SEC62: variants seen among roughly 807,000 people sequenced by gnomAD.
The protein encoded by SEC62 is translocation protein SEC62.
A neutral mutation model predicts 47.5 loss-of-function variants in SEC62; 10 were observed. That is an observed-to-expected ratio of 0.21 (90% CI 0.13 to 0.36). SEC62 has a LOEUF of 0.36. Among genes scored for constraint, SEC62 ranks in the 10% least tolerant of loss-of-function variants. SEC62 has a pLI of 1.00. For missense variants in SEC62, 327 were observed against 464.1 expected (o/e 0.70, Z 2.71); for synonymous variants, 136 against 150.5 (o/e 0.90, Z 0.71).
chr3:169,990,961 C>T (rs1446973021), intron 7 of SEC62, among the ~76,000 whole-genome samples: 1 of 152,174 alleles, frequency 6.6e-6, no homozygotes, highest in Non-Finnish European at 1.5e-5. Flanking sequence ...ACCAAAACTC[C>T]TGTCATAATT....
rs1715425174 is a variant in SEC62 at position 169,997,941 on chromosome 3, ATATAT to A, written c.*4881_*4885del. 6.6e-6 allele frequency: 1 copy of A among 152,226 alleles called. No homozygotes were observed. Among genetic ancestry groups the A allele is most frequent in the Non-Finnish European group, 1.5e-5 (1 of 68,040 alleles). 9.4% of individuals were successfully genotyped at this position (152,226 alleles called of 1,614,324 possible). A position where few individuals can be genotyped will look rare whatever the true frequency, so the allele number is the denominator to read the frequency against. ...CTATGATGTTGAAGTAGCATAAAAC[ATATAT>A]TAGATATCTGCAACAACTGTGATGT... On this transcript the variant is annotated 3_prime_UTR_variant, in exon 8 of 8. Transcript: ENST00000337002.
intron 5 of SEC62, 53 bp from the exon 6 acceptor site, chr3:169,985,752 T>C: frequency 1.3e-5 from 18 of 1,412,546 alleles, no homozygotes; most frequent in Middle Eastern, 1.8e-4. Flanking sequence ...TAAGCATTAC[T>C]TTCTAATGTG....
chr3:169,982,999 C>T (rs1715018925), intron 4 of SEC62, 88 bp downstream of exon 4: 5 of 1,504,614 alleles, frequency 3.3e-6, no homozygotes, highest in African/African-American at 1.4e-5. Context: ...AAGTATTATG[C>T]AACACCTACC....
chr3:169,991,662 C>G (rs1715251293), intron 7 of SEC62, among the ~76,000 whole-genome samples: 1 of 152,126 alleles, frequency 6.6e-6, no homozygotes, highest in Non-Finnish European at 1.5e-5. Flanking sequence ...ATGATTGTGC[C>G]ACTGCACTCC....
rs1461871485 is a variant in SEC62, at chr3:169,992,186, C to T, written c.731-408C>T. 4.6e-5 allele frequency among the ~76,000 whole-genome samples: 7 copies of T among 152,118 alleles called. No individual in the cohort carries two copies. The East Asian group carries it at 1.4e-3, about 29-fold the overall frequency. On this transcript the variant is annotated intron_variant, in intron 7 of 7. Transcript: ENST00000337002. The surrounding 1 kb of genome is among the most constrained non-coding windows in gnomAD (Gnocchi z 4.0). ...TATTGAAGCATAATATCACAAAGTA[C>T]ATAAATCAGAAGTGTATATCCATGT...
Position 169,984,627 on chromosome 3 carries a change from A to G in SEC62, c.550-1178A>G, listed in dbSNP as rs79228586. Reference sequence around the variant, plus strand: ...AAGCAGCATGCACTCCATAACTTTTAAAGTTGTGAAATATCTTTTTTAAAA... The same window carrying G: ...AAGCAGCATGCACTCCATAACTTTTGAAGTTGTGAAATATCTTTTTTAAAA... On this transcript the variant is annotated intron_variant, in intron 5 of 7. Transcript: ENST00000337002. Among the ~76,000 whole-genome samples the G allele has an allele frequency of 2.4e-4, 37 of 152,320 alleles. No individual in the cohort carries two copies. The East Asian group carries it at 7.1e-3, about 29-fold the overall frequency.
intron 2 of SEC62, among the ~76,000 whole-genome samples, chr3:169,976,496 A>G (rs1417379855): frequency 6.6e-6 from 1 of 152,212 alleles, no homozygotes; most frequent in Non-Finnish European, 1.5e-5. Flanking sequence ...CTCTTCAGAT[A>G]TAATATGTTT....
At chr3:169,990,022 CAT>C (rs933627957) in intron 7 of SEC62, among the ~76,000 whole-genome samples, 17 of 141,176 alleles carry the variant, frequency 1.2e-4, no homozygotes, top group Middle Eastern at 7.1e-3. Flanking sequence ...TATTATATAT[CAT>C]ATATATCATA....
Position 169,994,544 on chromosome 3 carries a change from C to G in SEC62, c.*1481C>G, listed in dbSNP as rs904769296. The G allele has an allele frequency of 1.3e-5, 2 of 152,474 alleles. No homozygotes were observed. The highest frequency in any genetic ancestry group is 2.9e-5 in the Non-Finnish European group (2 of 68,004). The allele number at this position is 152,474 out of a possible 1,614,324, so 9.4% of individuals were successfully genotyped here. On this transcript the variant is annotated 3_prime_UTR_variant, in exon 8 of 8. Coordinates refer to ENST00000337002, the MANE Select transcript of SEC62 (RefSeq NM_003262.4). ...TCCCTGTAAGTGGACATAAATGTGG[C>G]TATTTGATGTTAATGCAACTATGTC...
At chr3:169,983,014 A>G in intron 4 of SEC62, 103 bp downstream of exon 4, 1 of 1,487,836 alleles carries the variant, frequency 6.7e-7, no homozygotes, top group Non-Finnish European at 9.0e-7. Context: ...CCTACCTGAG[A>G]TAACTATATT....
intron 1 of SEC62, among the ~76,000 whole-genome samples, chr3:169,973,259 T>C (rs1714745180): frequency 6.6e-6 from 1 of 152,246 alleles, no homozygotes; most frequent in South Asian, 2.1e-4. Flanking sequence ...TTTTGCCTTT[T>C]ATTATATCAG....
Position 169,998,102 on chromosome 3 carries a change from A to T in SEC62, c.*5039A>T, listed in dbSNP as rs207464057. ...AGTGAAATTAAAGTTAATTTTTCCC[A>T]TCCAAGTTCATGTATCTTCTGAATT... On this transcript the variant is annotated 3_prime_UTR_variant, in exon 8 of 8. Transcript: ENST00000337002. The T allele has an allele frequency of 1.3e-5, 2 of 152,198 alleles. No homozygotes were observed. Among genetic ancestry groups the T allele is most frequent in the Non-Finnish European group, 2.9e-5 (2 of 68,032 alleles). 9.4% of individuals were successfully genotyped at this position (152,198 alleles called of 1,614,324 possible). A position where few individuals can be genotyped will look rare whatever the true frequency, so the allele number is the denominator to read the frequency against.
At chr3:169,986,421 C>A (rs1477132657) in intron 6 of SEC62, among the ~76,000 whole-genome samples, 1 of 152,090 alleles carries the variant, frequency 6.6e-6, no homozygotes, top group Non-Finnish European at 1.5e-5. Flanking sequence ...TAGCAAATAT[C>A]TTTCAAATTC....
In SEC62 at chr3:169,993,081, C is replaced by A; in HGVS notation, c.*18C>A. 1 of 1,545,840 alleles carries A rather than the reference C, an allele frequency of 6.5e-7. No individual in the cohort carries two copies. Among genetic ancestry groups the A allele is most frequent in the South Asian group, 1.3e-5 (1 of 79,902 alleles). On this transcript the variant is annotated 3_prime_UTR_variant, in exon 8 of 8. Transcript: ENST00000337002. The stretch of plus-strand genomic sequence containing the variant: ...AATCATAATCTGACTAATTTTGGGA[C>A]TGAATGAATAAGTACAAGAGGTTGG...
At chr3:169,969,241 G>A (rs1714632634) in intron 1 of SEC62, 1 of 452,728 alleles carries the variant, frequency 2.2e-6, no homozygotes, top group Non-Finnish European at 4.4e-6. Flanking sequence ...AATAAGTTCA[G>A]GGTTAAAAAA....
At chr3:169,982,582 G>C in intron 3 of SEC62, 125 bp from the exon 4 acceptor site, 1 of 1,130,250 alleles carries the variant, frequency 8.8e-7, no homozygotes, top group Non-Finnish European at 1.3e-6. Flanking sequence ...GGGCATACTA[G>C]TTGTAATTTC....
intron 6 of SEC62, 155 bp downstream of exon 6, chr3:169,986,020 G>T (rs1715098300): frequency 3.7e-6 from 2 of 538,808 alleles, no homozygotes; most frequent in Non-Finnish European, 6.4e-6. Flanking sequence ...AATACACTAA[G>T]GAAAATATTT....
At position 169,966,865 on chromosome 3, in the gene SEC62, A is replaced by G. The variant is rs1427662224; in HGVS notation, c.36+7A>G. The stretch of plus-strand genomic sequence containing the variant: ...ACACAAGAAGCGGATCCAGGTAGCA[A>G]AGCCGAGCTCTGGGCAGGGGGCTTC... On this transcript the variant is annotated splice_region_variant and intron_variant, in intron 1 of 7. Coordinates refer to ENST00000337002, the MANE Select transcript of SEC62 (RefSeq NM_003262.4). The G allele has an allele frequency of 1.3e-6, 2 of 1,553,178 alleles. No individual in the cohort carries two copies. Among genetic ancestry groups the G allele is most frequent in the Non-Finnish European group, 1.7e-6 (2 of 1,147,822 alleles).
intron 7 of SEC62, among the ~76,000 whole-genome samples, 170 bp downstream of exon 7, chr3:169,988,529 T>C (rs955988616): frequency 3.3e-5 from 5 of 152,200 alleles, no homozygotes; most frequent in Non-Finnish European, 7.3e-5. Context: ...AGATGTGTTC[T>C]GTCTGCAGAA....
Sources: allele counts gnomAD v4.1 joint callset (sites outside exome capture counted in the v4.1 genomes callset), GRCh38; gene constraint gnomAD v4.1.1; non-coding constraint Gnocchi (gnomAD v3.1); transcripts MANE v1.5; gene names NCBI Gene and HGNC (gene_info 2026-07-23, HGNC 2026-07-21).